The following COL4A3 variants were observed in gnomAD, a reference collection of about 807,000 sequenced individuals.
COL4A3 encodes the protein collagen alpha-3(IV) chain.
In COL4A3, 135 loss-of-function variants were observed where a neutral mutation model predicts 217.4. The ratio of observed to expected loss-of-function variants is 0.62; its 90% CI spans 0.54 to 0.72. The LOEUF is 0.72. Among genes scored for constraint, COL4A3 ranks in the 30% least tolerant of loss-of-function variants. COL4A3 has a pLI of 0.00. For missense variants in COL4A3, 1,868 were observed against 2,119.9 expected (o/e 0.88, Z 2.33); for synonymous variants, 690 against 736.3 (o/e 0.94, Z 1.02).
intron 1 of COL4A3, among the ~76,000 whole-genome samples, chr2:227,234,973 C>G (rs1383680417): frequency 6.6e-6 from 1 of 152,186 alleles, no homozygotes; most frequent in East Asian, 1.9e-4. Flanking sequence ...CATTTGAAAA[C>G]AGTGGCCGGC....
chr2:227,291,562 C>CAAAAAAAAA (rs869289707), intron 37 of COL4A3, among the ~76,000 whole-genome samples: 1 of 34,414 alleles, frequency 2.9e-5, no homozygotes, highest in Non-Finnish European at 5.7e-5. Flanking sequence ...GACTCCGTCT[C>CAAAAAAAAA]AAAAAAAAAA....
chr2:227,265,536 A>C (rs913136215), intron 21 of COL4A3: 1 of 152,266 alleles, frequency 6.6e-6, no homozygotes, highest in African/African-American at 2.4e-5. Context: ...GTAGCAGATA[A>C]TGTGGAAGCT....
Position 227,164,899 on chromosome 2 carries a change from G to T in COL4A3, c.87+86G>T. The stretch of plus-strand genomic sequence containing the variant: ...GGACGCGCTGGCCCCACCCGCAGCG[G>T]CGCGGTAGTGGAGCGGCTGCCGGGC... On this transcript the variant is annotated intron_variant, in intron 1 of 51. Coordinates refer to ENST00000396578, the MANE Select transcript of COL4A3 (RefSeq NM_000091.5). The surrounding 1 kb of genome is among the most constrained non-coding windows in gnomAD (Gnocchi z 4.8). 1.5e-6 allele frequency: 2 copies of T among 1,372,086 alleles called. No homozygotes were observed. The highest frequency in any genetic ancestry group is 3.2e-5 in the South Asian group (2 of 62,106). 85.0% of individuals were successfully genotyped at this position (1,372,086 alleles called of 1,614,324 possible).
In COL4A3 at chr2:227,310,385, T is replaced by A. The variant is rs1009516415; in HGVS notation, c.4756-391T>A. ...CTGGCTCACTACAATCTCTGCCTTC[T>A]GGCTCACTGCAATCTCTGCCTCCAG... On this transcript the variant is annotated intron_variant, in intron 50 of 51. Coordinates refer to ENST00000396578, the MANE Select transcript of COL4A3 (RefSeq NM_000091.5). Among the ~76,000 whole-genome samples, 4 of 152,226 alleles carry A rather than the reference T, an allele frequency of 2.6e-5. No individual in the cohort carries two copies. The South Asian group carries it at 6.2e-4, about 24-fold the overall frequency.
chr2:227,264,091 C>T (rs2070751113), intron 21 of COL4A3, 147 bp downstream of exon 21: 3 of 902,732 alleles, frequency 3.3e-6, no homozygotes, highest in Middle Eastern at 3.0e-4. Flanking sequence ...ATTTCACTAA[C>T]TGTCTGTGAA....
At chr2:227,197,525 T>G (rs531515830) in intron 1 of COL4A3, among the ~76,000 whole-genome samples, 4 of 152,230 alleles carry the variant, frequency 2.6e-5, no homozygotes, top group African/African-American at 9.6e-5. Context: ...AACACATAAC[T>G]GTATACTTAA....
In COL4A3 at chr2:227,257,676, T is replaced by C. The variant is rs373968314; in HGVS notation, c.1029+32T>C. On this transcript the variant is annotated intron_variant, in intron 18 of 51. Transcript: ENST00000396578. ...GTGATTAAAGACAATATCAATGCTA[T>C]GTTTGATCAAGTTCTTTAAAGTAGC... 1.5e-5 allele frequency: 24 copies of C among 1,599,322 alleles called. No individual in the cohort carries two copies. The African/African-American group carries it at 2.7e-4, about 18-fold the overall frequency.
intron 1 of COL4A3, among the ~76,000 whole-genome samples, chr2:227,210,985 T>G (rs2067297881): frequency 6.6e-6 from 1 of 152,062 alleles, no homozygotes; most frequent in Non-Finnish European, 1.5e-5. Flanking sequence ...AAGCTGTAGT[T>G]TTTTTGTTTT....
At chr2:227,288,416 G>A (rs1038491131) in intron 34 of COL4A3, among the ~76,000 whole-genome samples, 2 of 152,164 alleles carry the variant, frequency 1.3e-5, no homozygotes, top group African/African-American at 4.8e-5. Flanking sequence ...TTTATGAACA[G>A]GAGAAGAGTA....
intron 34 of COL4A3, among the ~76,000 whole-genome samples, chr2:227,286,131 T>C (rs565238828): frequency 2.0e-5 from 3 of 152,292 alleles, no homozygotes; most frequent in African/African-American, 7.2e-5. Flanking sequence ...ACGACCTAAG[T>C]AGCATTTACC....
At chr2:227,301,191 A>T (rs1247124818) in intron 43 of COL4A3, among the ~76,000 whole-genome samples, 4 of 152,182 alleles carry the variant, frequency 2.6e-5, no homozygotes, top group Non-Finnish European at 5.9e-5. Context: ...GTGGCTATTC[A>T]CCAAGCTTTA....
Position 227,253,792 on chromosome 2 carries a change from G to A in COL4A3, c.765+154G>A, listed in dbSNP as rs13409219. ...GAACCTCCAGGATTGATTCCTTCCC[G>A]TCCTTTACTCATAAATCCTGGAAAT... On this transcript the variant is annotated intron_variant, in intron 13 of 51. Transcript: ENST00000396578. The surrounding 1 kb of genome is among the most constrained non-coding windows in gnomAD (Gnocchi z 4.4). Among the ~76,000 whole-genome samples the A allele has an allele frequency of 0.2, 30,578 of 151,694 alleles. 3,367 individuals are homozygous for A. Among genetic ancestry groups the A allele is most frequent in the South Asian group, 0.42 (1,999 of 4,810 alleles).
chr2:227,311,135 C>A (rs944155647), intron 51 of COL4A3, among the ~76,000 whole-genome samples, 187 bp downstream of exon 51: 1 of 152,156 alleles, frequency 6.6e-6, no homozygotes, highest in Non-Finnish European at 1.5e-5. Context: ...TTACTTGATA[C>A]AATCACAAAA....
At chr2:227,216,408 T>C (rs1462185741) in intron 1 of COL4A3, among the ~76,000 whole-genome samples, 1 of 152,214 alleles carries the variant, frequency 6.6e-6, no homozygotes, top group East Asian at 1.9e-4. Flanking sequence ...ACTTCATTTG[T>C]AGTTGAGGCC....
Position 227,304,003 on chromosome 2 carries a change from A to C in COL4A3, c.4028-16A>C. The C allele has an allele frequency of 6.2e-7, 1 of 1,614,192 alleles. No individual in the cohort carries two copies. Among genetic ancestry groups the C allele is most frequent in the Admixed American group, 1.7e-5 (1 of 60,028 alleles). The stretch of plus-strand genomic sequence containing the variant: ...TCCGTGAGGCCATCATCTTCTTCTT[A>C]TGTTTATGTCAACAGGTGTACGTGG... On this transcript the variant is annotated splice_polypyrimidine_tract_variant and intron_variant, in intron 45 of 51. Transcript: ENST00000396578.
Position 227,197,256 on chromosome 2 carries a change from G to A in COL4A3, c.87+32443G>A, listed in dbSNP as rs112405721. Among the ~76,000 whole-genome samples, 865 of 152,014 alleles carry A rather than the reference G, an allele frequency of 5.7e-3. 8 individuals are homozygous for A. The highest frequency in any genetic ancestry group is 0.019 in the African/African-American group (791 of 41,444). ...TTTTGAGATGGAGTCTCGCTCTGTC[G>A]CCCAGGTTGGAGTGCCGTGGCACAA... is the stretch of plus-strand genomic sequence containing the variant. On this transcript the variant is annotated intron_variant, in intron 1 of 51. Coordinates refer to ENST00000396578, the MANE Select transcript of COL4A3 (RefSeq NM_000091.5).
At chr2:227,233,595 C>T (rs1459215231) in intron 1 of COL4A3, among the ~76,000 whole-genome samples, 1 of 152,160 alleles carries the variant, frequency 6.6e-6, no homozygotes, top group Non-Finnish European at 1.5e-5. Flanking sequence ...GAAATTCTAC[C>T]TTAATGTGCA....
Position 227,312,044 on chromosome 2 carries a change from G to C in COL4A3, c.*174G>C, listed in dbSNP as rs892777157. ...AAAGCAATTCTTTCAAGTCAGTTCTGTGATCTGGGTCTCTAATCTGTGCTG... is the reference window on the plus strand; with the variant it reads ...AAAGCAATTCTTTCAAGTCAGTTCTCTGATCTGGGTCTCTAATCTGTGCTG... On this transcript the variant is annotated 3_prime_UTR_variant, in exon 52 of 52. Coordinates refer to ENST00000396578, the MANE Select transcript of COL4A3 (RefSeq NM_000091.5). The C allele has an allele frequency of 2.6e-6, 3 of 1,174,414 alleles. No homozygotes were observed. The African/African-American group carries it at 4.6e-5, about 18-fold the overall frequency. The allele number at this position is 1,174,414 out of a possible 1,614,324, so 72.7% of individuals were successfully genotyped here. A position where few individuals can be genotyped will look rare whatever the true frequency, so the allele number is the denominator to read the frequency against.
intron 8 of COL4A3, among the ~76,000 whole-genome samples, chr2:227,247,938 T>G (rs923261169): frequency 6.6e-6 from 1 of 152,130 alleles, no homozygotes; most frequent in Non-Finnish European, 1.5e-5. Flanking sequence ...TTCTTTCCAC[T>G]GTAAATTTTT....
Sources: allele counts gnomAD v4.1 joint callset (sites outside exome capture counted in the v4.1 genomes callset), GRCh38; gene constraint gnomAD v4.1.1; non-coding constraint Gnocchi (gnomAD v3.1); transcripts MANE v1.5; gene names NCBI Gene and HGNC (gene_info 2026-07-23, HGNC 2026-07-21).